The following ARHGEF3 variants were observed in gnomAD, a reference collection of about 807,000 sequenced individuals.
ARHGEF3 encodes the protein Rho guanine nucleotide exchange factor 3.
A neutral mutation model predicts 63.2 loss-of-function variants in ARHGEF3; 28 were observed. The observed-to-expected ratio is 0.44, with a 90% CI of 0.33 to 0.61. ARHGEF3 has a LOEUF of 0.61. Ranked by LOEUF, ARHGEF3 falls within the 20% of genes least tolerant of loss-of-function variation. The pLI is 0.03. For missense variants in ARHGEF3, 533 were observed against 659.3 expected, an observed-to-expected ratio of 0.81 and a Z score of 2.10; for synonymous variants, 266 against 254.2, an observed-to-expected ratio of 1.05 and a Z score of -0.44.
chr3:56,738,362 G>A (rs764115193), intron 7 of ARHGEF3, among the ~76,000 whole-genome samples: 2 of 151,242 alleles, frequency 1.3e-5, no homozygotes, highest in Admixed American at 6.6e-5. Context: ...TGGTAGAGAC[G>A]GGTTTCACCA....
At chr3:56,857,399 A>G (rs540732920) in intron 4 of ARHGEF3, among the ~76,000 whole-genome samples, 1 of 152,280 alleles carries the variant, frequency 6.6e-6, no homozygotes, top group Admixed American at 6.5e-5. Context: ...ACCCAATCAC[A>G]CTAAAGGGAA....
intron 2 of ARHGEF3, among the ~76,000 whole-genome samples, chr3:56,976,569 G>A (rs114338753): frequency 6.6e-6 from 1 of 152,168 alleles, no homozygotes; most frequent in African/African-American, 2.4e-5. Context: ...CTTAAAAGTG[G>A]GTCCTCAGAT....
chr3:56,838,205 T>G (rs1282950113), intron 4 of ARHGEF3, among the ~76,000 whole-genome samples: 1 of 152,224 alleles, frequency 6.6e-6, no homozygotes, highest in African/African-American at 2.4e-5. Flanking sequence ...ATAAACAGTT[T>G]TGTAAAGTAT....
At chr3:56,894,398 T>A (rs1428308770) in intron 3 of ARHGEF3, among the ~76,000 whole-genome samples, 3 of 152,212 alleles carry the variant, frequency 2.0e-5, no homozygotes, top group Non-Finnish European at 1.5e-5. Context: ...ATCCTACTGT[T>A]CCTGTGTTTC....
At chr3:56,896,289 T>C (rs1356431021) in intron 3 of ARHGEF3, among the ~76,000 whole-genome samples, 1 of 152,204 alleles carries the variant, frequency 6.6e-6, no homozygotes, top group Non-Finnish European at 1.5e-5. Context: ...TCTCTCTCTT[T>C]CTATACGTAT....
chr3:56,870,296 T>C (rs2040394993), intron 4 of ARHGEF3, among the ~76,000 whole-genome samples: 1 of 152,156 alleles, frequency 6.6e-6, no homozygotes, highest in Admixed American at 6.5e-5. Flanking sequence ...GATAAAAAAG[T>C]AGCGAATTAC....
chr3:57,063,465 G>A (rs1705346842), intron 1 of ARHGEF3, among the ~76,000 whole-genome samples: 1 of 152,176 alleles, frequency 6.6e-6, no homozygotes, highest in Non-Finnish European at 1.5e-5. Flanking sequence ...AGGGGAGAAT[G>A]ACCTGGAGGG....
intron 6 of ARHGEF3, among the ~76,000 whole-genome samples, chr3:56,746,956 TAA>T (rs2034423063): frequency 6.6e-6 from 1 of 152,148 alleles, no homozygotes; most frequent in African/African-American, 2.4e-5. Flanking sequence ...CTACTTGTGT[TAA>T]AGAGTTGCAG....
At chr3:57,041,590 A>T (rs1013022468) in intron 1 of ARHGEF3, among the ~76,000 whole-genome samples, 2 of 151,978 alleles carry the variant, frequency 1.3e-5, no homozygotes, top group Non-Finnish European at 2.9e-5. Flanking sequence ...CAAAATCAAG[A>T]CTCCACCAAA....
chr3:56,813,572 A>C (rs559878372), intron 4 of ARHGEF3, among the ~76,000 whole-genome samples: 37 of 152,258 alleles, frequency 2.4e-4, no homozygotes, highest in Non-Finnish European at 4.6e-4. Flanking sequence ...ATCTTGTTAC[A>C]CTTTACTCCC....
At chr3:56,801,130 C>A (rs2037628564) in intron 1 of ARHGEF3, among the ~76,000 whole-genome samples, 1 of 152,214 alleles carries the variant, frequency 6.6e-6, no homozygotes, top group South Asian at 2.1e-4. Context: ...CCAATTTACT[C>A]ATTTAGCCCC....
chr3:56,994,245 G>C (rs539625821), intron 2 of ARHGEF3, among the ~76,000 whole-genome samples: 1 of 151,904 alleles, frequency 6.6e-6, no homozygotes, highest in South Asian at 2.1e-4. Context: ...CAAATGTAAA[G>C]CCCAAAACAA....
rs867320304 is a variant in ARHGEF3 at position 56,968,324 on chromosome 3, A to T, written c.63-9435T>A. Among the ~76,000 whole-genome samples the T allele has an allele frequency of 2.1e-3, 115 of 54,076 alleles. 1 individual carries two copies. Among genetic ancestry groups the T allele is most frequent in the African/African-American group, 3.8e-3 (65 of 17,138 alleles). The allele number at this position is 54,076 out of a possible 152,430, so 35.5% of individuals were successfully genotyped here. On this transcript the variant is annotated intron_variant, in intron 2 of 12. Coordinates refer to the ARHGEF3 transcript ENST00000338458. Reference sequence around the variant, plus strand: ...ATATAATATATATAAAATATATTTTATATATATATAATATATAATATATAT... The same window carrying T: ...ATATAATATATATAAAATATATTTTTTATATATATAATATATAATATATAT...
At chr3:56,763,361 A>G (rs1311425903) in intron 2 of ARHGEF3, among the ~76,000 whole-genome samples, 1 of 152,186 alleles carries the variant, frequency 6.6e-6, no homozygotes, top group Admixed American at 6.5e-5. Flanking sequence ...CAAACAGCAG[A>G]CACATCTTTC....
chr3:56,788,344 C>T (rs952436637), intron 1 of ARHGEF3, among the ~76,000 whole-genome samples: 4 of 152,056 alleles, frequency 2.6e-5, no homozygotes, highest in South Asian at 2.1e-4. Flanking sequence ...CCCGTATTGT[C>T]GTGTTGTTAA....
intron 2 of ARHGEF3, among the ~76,000 whole-genome samples, chr3:56,970,855 T>A (rs1382054689): frequency 6.6e-6 from 1 of 152,214 alleles, no homozygotes; most frequent in Non-Finnish European, 1.5e-5. Flanking sequence ...ACTCACCACC[T>A]GTGTAGCGCT....
intron 3 of ARHGEF3, among the ~76,000 whole-genome samples, chr3:56,922,986 G>A (rs1560053526): frequency 7.8e-6 from 1 of 128,204 alleles, no homozygotes; most frequent in Non-Finnish European, 1.7e-5. Flanking sequence ...AGGAGTTCAA[G>A]ACCAGCTTGG....
intron 4 of ARHGEF3, among the ~76,000 whole-genome samples, chr3:56,816,570 G>A (rs574126024): frequency 5.3e-5 from 8 of 152,202 alleles, no homozygotes; most frequent in Non-Finnish European, 8.8e-5. Flanking sequence ...AGTGATGAGA[G>A]CTCAGTAAAT....
At chr3:57,066,971 T>C (rs1175329887) in intron 1 of ARHGEF3, among the ~76,000 whole-genome samples, 1 of 152,168 alleles carries the variant, frequency 6.6e-6, no homozygotes, top group East Asian at 1.9e-4. Flanking sequence ...AATAGATAGA[T>C]GAGCGATTGA....
Sources: allele counts gnomAD v4.1 joint callset (sites outside exome capture counted in the v4.1 genomes callset), GRCh38; gene constraint gnomAD v4.1.1; transcripts MANE v1.5; gene names NCBI Gene and HGNC (gene_info 2026-07-23, HGNC 2026-07-21).